The following STPG2 variants were observed in gnomAD, a reference collection of about 807,000 sequenced individuals.
STPG2 encodes the protein sperm-tail PG-rich repeat-containing protein 2.
A neutral mutation model predicts 54.2 loss-of-function variants in STPG2; 56 were observed. The observed-to-expected ratio is 1.03, with a 90% CI of 0.83 to 1.29. The LOEUF (loss-of-function observed/expected upper bound fraction) is 1.29. Among genes scored for constraint, STPG2 ranks in the 50% most tolerant of loss-of-function variants. STPG2 has a pLI of 0.00. For missense variants in STPG2, 596 were observed against 544.9 expected, an observed-to-expected ratio of 1.09 and a Z score of -0.93; for synonymous variants, 200 against 181.8, an observed-to-expected ratio of 1.10 and a Z score of -0.81.
intron 5 of STPG2, among the ~76,000 whole-genome samples, chr4:97,999,967 G>A (rs1241546843): frequency 4.6e-5 from 7 of 151,964 alleles, no homozygotes. Context: ...AAGTGAAAAC[G>A]GCTAATAATA....
intron 10 of STPG2, among the ~76,000 whole-genome samples, chr4:97,695,345 A>C (rs1326515049): frequency 6.6e-6 from 1 of 152,192 alleles, no homozygotes; most frequent in South Asian, 2.1e-4. Context: ...AACATACCTT[A>C]AGGTAATAAA....
chr4:97,735,097 A>G (rs1438065412), intron 9 of STPG2, among the ~76,000 whole-genome samples: 1 of 152,012 alleles, frequency 6.6e-6, no homozygotes. Flanking sequence ...TTTCTGCACA[A>G]CAAAGGAAAC....
At chr4:97,648,637 A>T (rs1721980271) in intron 10 of STPG2, among the ~76,000 whole-genome samples, 1 of 152,126 alleles carries the variant, frequency 6.6e-6, no homozygotes, top group Admixed American at 6.6e-5. Flanking sequence ...TTTAGTGATC[A>T]TGGACACATA....
At chr4:98,044,540 G>A (rs1181317850) in intron 5 of STPG2, among the ~76,000 whole-genome samples, 1 of 152,184 alleles carries the variant, frequency 6.6e-6, no homozygotes, top group East Asian at 1.9e-4. Context: ...CTCAGGCTGA[G>A]AGATTTGGGG....
At chr4:97,635,533 G>A (rs991784736) in intron 10 of STPG2, among the ~76,000 whole-genome samples, 18 of 152,086 alleles carry the variant, frequency 1.2e-4, no homozygotes, top group Admixed American at 7.2e-4. Flanking sequence ...CCAATTAAAA[G>A]ACACAGACTG....
At chr4:97,809,174 C>T (rs1727662139) in intron 9 of STPG2, among the ~76,000 whole-genome samples, 1 of 152,034 alleles carries the variant, frequency 6.6e-6, no homozygotes, top group Non-Finnish European at 1.5e-5. Context: ...AATGAAAATG[C>T]TCTAACTAGC....
intron 7 of STPG2, among the ~76,000 whole-genome samples, chr4:97,970,669 T>C (rs1734293860): frequency 6.6e-6 from 1 of 152,172 alleles, no homozygotes; most frequent in African/African-American, 2.4e-5. Context: ...TCAAGATGGA[T>C]TAAAGGCTTA....
intron 10 of STPG2, among the ~76,000 whole-genome samples, chr4:97,625,856 T>C (rs2148928365): frequency 6.6e-6 from 1 of 152,342 alleles, no homozygotes; most frequent in East Asian, 1.9e-4. Flanking sequence ...CATTAGCTTT[T>C]AAGCCATTTG....
rs1214575257 is a variant in STPG2, at chr4:97,972,493, CT to C, written c.773-54del. 3.8e-6 allele frequency: 4 copies of C among 1,052,698 alleles called. No individual in the cohort carries two copies. The East Asian group carries it at 8.6e-5, about 23-fold the overall frequency. The allele number at this position is 1,052,698 out of a possible 1,614,324, so 65.2% of individuals were successfully genotyped here. ...AGAATAAGCATGCTTTTATATGCACCTTTTGAACTGAGTAATTTTTAATTAA... is the reference window on the plus strand; with the variant it reads ...AGAATAAGCATGCTTTTATATGCACCTTTGAACTGAGTAATTTTTAATTAA... On this transcript the variant is annotated intron_variant, in intron 6 of 10. Coordinates refer to ENST00000295268, the MANE Select transcript of STPG2 (RefSeq NM_174952.3).
At chr4:97,533,579 C>G (rs139700553) in intron 4 of STPG2, among the ~76,000 whole-genome samples, 4 of 152,076 alleles carry the variant, frequency 2.6e-5, no homozygotes, top group Non-Finnish European at 5.9e-5. Context: ...GCAGTCTGTT[C>G]GTCTTGCCTG....
chr4:98,074,453 C>A (rs961482944), intron 5 of STPG2, among the ~76,000 whole-genome samples: 2 of 147,598 alleles, frequency 1.4e-5, no homozygotes, highest in Non-Finnish European at 3.0e-5. Context: ...CTTCTTGAAT[C>A]TAAAGGTTGA....
chr4:97,470,058 A>C (rs551739331), intron 4 of STPG2, among the ~76,000 whole-genome samples: 2 of 152,276 alleles, frequency 1.3e-5, no homozygotes, highest in African/African-American at 4.8e-5. Context: ...AAACCACTGC[A>C]TATGATGAGC....
chr4:97,558,069 A>G (rs746318603), downstream of STPG2, among the ~76,000 whole-genome samples: 1 of 152,242 alleles, frequency 6.6e-6, no homozygotes, highest in African/African-American at 2.4e-5. Flanking sequence ...TATATCTTTC[A>G]GAGTGGCTGC....
chr4:97,603,025 G>T (rs912536407), intron 10 of STPG2, among the ~76,000 whole-genome samples: 4 of 151,666 alleles, frequency 2.6e-5, no homozygotes, highest in Non-Finnish European at 5.9e-5. Flanking sequence ...CAACAGAAAA[G>T]ATGGCCTATG....
chr4:98,050,949 G>A (rs1011206238), intron 5 of STPG2, among the ~76,000 whole-genome samples: 13 of 151,760 alleles, frequency 8.6e-5, no homozygotes, highest in Admixed American at 8.5e-4. Flanking sequence ...AGCTTGCAGT[G>A]AGCCGAGATC....
At chr4:97,816,982 A>C (rs921895515) in intron 9 of STPG2, among the ~76,000 whole-genome samples, 2 of 147,568 alleles carry the variant, frequency 1.4e-5, no homozygotes, top group Admixed American at 1.4e-4. Flanking sequence ...TATATATTAT[A>C]TATTATTTTA....
At chr4:97,785,144 GT>G (rs1467815036) in intron 9 of STPG2, among the ~76,000 whole-genome samples, 6 of 151,678 alleles carry the variant, frequency 4.0e-5, no homozygotes, top group Non-Finnish European at 7.4e-5. Flanking sequence ...TTTCAAGTAT[GT>G]TATAATTGTA....
chr4:97,623,921 G>A (rs1191272516), intron 10 of STPG2, among the ~76,000 whole-genome samples: 1 of 152,078 alleles, frequency 6.6e-6, no homozygotes, highest in African/African-American at 2.4e-5. Flanking sequence ...AGTTTGCTGA[G>A]GATAATGGCT....
intron 8 of STPG2, among the ~76,000 whole-genome samples, chr4:97,883,380 C>T (rs1032704978): frequency 9.9e-5 from 15 of 150,754 alleles, no homozygotes; most frequent in Non-Finnish European, 2.1e-4. Context: ...AGAGCAAGAC[C>T]TTGTCTAAAA....
Sources: allele counts gnomAD v4.1 joint callset (sites outside exome capture counted in the v4.1 genomes callset), GRCh38; gene constraint gnomAD v4.1.1; transcripts MANE v1.5; gene names NCBI Gene and HGNC (gene_info 2026-07-23, HGNC 2026-07-21).